MPP4: variants seen among roughly 807,000 people sequenced by gnomAD.
The protein encoded by MPP4 is MAGUK p55 scaffold protein 4.
In MPP4, 91 loss-of-function variants were observed where a neutral mutation model predicts 98.3. The observed-to-expected ratio is 0.93, with a 90% CI of 0.78 to 1.10. MPP4 has a LOEUF of 1.10. Ranked by LOEUF, MPP4 falls within the 50% of genes least tolerant of loss-of-function variation. The probability of loss-of-function intolerance (pLI) is 0.00; values close to 1 mark genes in which losing one functional copy is unlikely to be tolerated. For missense variants in MPP4, 744 were observed against 792.9 expected, an observed-to-expected ratio of 0.94 and a Z score of 0.74; for synonymous variants, 261 against 271.8, an observed-to-expected ratio of 0.96 and a Z score of 0.39.
At chr2:201,669,088 T>TTGTGTGTGTG (rs770178008) in intron 12 of MPP4, among the ~76,000 whole-genome samples, 12 of 141,674 alleles carry the variant, frequency 8.5e-5, no homozygotes, top group African/African-American at 3.2e-4. Context: ...GCATCTTGCT[T>TTGTGTGTGTG]TGTGTGTGTG....
rs565393900 is a variant in MPP4 at position 201,663,417 on chromosome 2, C to G, written c.1072+664G>C. 2.0e-5 allele frequency among the ~76,000 whole-genome samples: 3 copies of G among 152,328 alleles called. No homozygotes were observed. The South Asian group carries it at 6.2e-4, about 32-fold the overall frequency. On this transcript the variant is annotated intron_variant, in intron 14 of 21. Transcript: ENST00000409474. ...GTAAAATCTACATCTCACAACTGCA[C>G]TGTTGCTGTATTTTTTAAAATACAT...
intron 18 of MPP4, chr2:201,650,770 A>C: frequency 1.0e-6 from 1 of 985,412 alleles, no homozygotes; most frequent in Non-Finnish European, 1.2e-6. Context: ...AATCTTGACC[A>C]GATGCATTAA....
At chr2:201,646,814 A>G (rs1296575822) in intron 21 of MPP4, 1 of 152,230 alleles carries the variant, frequency 6.6e-6, no homozygotes, top group Non-Finnish European at 1.5e-5. Context: ...TGAATCATTC[A>G]TATTTTTAGT....
rs755378193 is a variant in MPP4, at chr2:201,675,109, G to T, written c.994+98C>A. The T allele has an allele frequency of 5.6e-6, 7 of 1,260,198 alleles. No homozygotes were observed. In the African/African-American group the frequency reaches 8.9e-5, roughly 16 times the overall value. 78.1% of individuals were successfully genotyped at this position (1,260,198 alleles called of 1,614,324 possible). ...AAATAACAACTCCATCTCCCATGTG[G>T]CATGGCCAGCCTCACATCAATTAGA... is the stretch of plus-strand genomic sequence containing the variant. On this transcript the variant is annotated intron_variant, in intron 11 of 21. Transcript: ENST00000409474.
Position 201,645,045 on chromosome 2 carries a change from A to G in MPP4, c.*165T>C. The G allele has an allele frequency of 3.7e-6, 2 of 535,006 alleles. No homozygotes were observed. The highest frequency in any genetic ancestry group is 6.0e-6 in the Non-Finnish European group (2 of 336,096). 33.1% of individuals were successfully genotyped at this position (535,006 alleles called of 1,614,324 possible). A position where few individuals can be genotyped will look rare whatever the true frequency, so the allele number is the denominator to read the frequency against. ...AAATTAAGTTAAAATAGGTAACCAC[A>G]TAACCATACAATAAAAATTTTTTTC... On this transcript the variant is annotated 3_prime_UTR_variant, in exon 22 of 22. Coordinates refer to ENST00000409474, the MANE Select transcript of MPP4 (RefSeq NM_033066.3).
At chr2:201,687,186 A>G in intron 5 of MPP4, 105 bp downstream of exon 5, 1 of 942,156 alleles carries the variant, frequency 1.1e-6, no homozygotes, top group Non-Finnish European at 1.7e-6. Context: ...GTACAGTAAT[A>G]GAACATCTAT....
At chr2:201,682,195 G>C (rs923725567) in intron 8 of MPP4, among the ~76,000 whole-genome samples, 1 of 152,184 alleles carries the variant, frequency 6.6e-6, no homozygotes, top group Non-Finnish European at 1.5e-5. Flanking sequence ...GCACCAGGGG[G>C]TAGAAGCCAT....
At chr2:201,678,365 C>CA (rs1688574303) in intron 10 of MPP4, among the ~76,000 whole-genome samples, 1 of 152,174 alleles carries the variant, frequency 6.6e-6, no homozygotes, top group African/African-American at 2.4e-5. Context: ...TCCACCCACC[C>CA]ACGCCCTCTG....
At chr2:201,650,260 A>T in intron 18 of MPP4, 95 bp from the exon 19 acceptor site, 1 of 1,464,132 alleles carries the variant, frequency 6.8e-7, no homozygotes, top group Non-Finnish European at 9.0e-7. Flanking sequence ...AAATAAATAA[A>T]TGAATATATA....
chr2:201,698,536 G>A, intron 1 of MPP4, 51 bp downstream of exon 1: 1 of 1,287,360 alleles, frequency 7.8e-7, no homozygotes, highest in Non-Finnish European at 1.0e-6. Context: ...AAGCTAGGCA[G>A]TTATGGATAC....
intron 12 of MPP4, 104 bp from the exon 13 acceptor site, chr2:201,666,476 T>TG: frequency 3.5e-6 from 3 of 848,902 alleles, no homozygotes; most frequent in Non-Finnish European, 5.3e-6. Flanking sequence ...ATCCCAGCAC[T>TG]CTGGGAGGCC....
chr2:201,698,181 A>G, intron 1 of MPP4: 1 of 675,740 alleles, frequency 1.5e-6, no homozygotes, highest in Non-Finnish European at 1.8e-6. Context: ...ACGTACTATT[A>G]AATGCCACAA....
At chr2:201,697,390 T>G (rs758183244) in intron 1 of MPP4, among the ~76,000 whole-genome samples, 4 of 152,332 alleles carry the variant, frequency 2.6e-5, no homozygotes, top group Non-Finnish European at 5.9e-5. Context: ...GCACTTCTCA[T>G]TTTCCCAGTT....
chr2:201,681,101 C>T, intron 9 of MPP4, 67 bp from the exon 10 acceptor site: 1 of 1,477,594 alleles, frequency 6.8e-7, no homozygotes, highest in Non-Finnish European at 9.2e-7. Context: ...AACCCTTGCC[C>T]ATGGGCCATC....
intron 5 of MPP4, 81 bp from the exon 6 acceptor site, chr2:201,686,131 A>C: frequency 6.7e-7 from 1 of 1,483,808 alleles, no homozygotes; most frequent in South Asian, 1.3e-5. Context: ...AATACTATCT[A>C]AGACACAGCA....
In MPP4 at chr2:201,697,920, CAA is replaced by C. The variant is rs1033969653; in HGVS notation, c.-101+665_-101+666del. 1.0e-5 allele frequency: 10 copies of C among 985,300 alleles called. No individual in the cohort carries two copies. The African/African-American group carries it at 1.6e-4, about 15-fold the overall frequency. 61.0% of individuals were successfully genotyped at this position (985,300 alleles called of 1,614,324 possible). On this transcript the variant is annotated intron_variant, in intron 1 of 21. Transcript: ENST00000409474. The stretch of plus-strand genomic sequence containing the variant: ...TGCTGATGCCTGGCATGATGCCTGG[CAA>C]AAGACTTACCTTCCTTTCCATGACT...
In MPP4 at chr2:201,687,442, C is replaced by T. The variant is rs957254447; in HGVS notation, c.280-71G>A. 2.6e-6 allele frequency: 3 copies of T among 1,172,574 alleles called. No individual in the cohort carries two copies. The African/African-American group carries it at 4.6e-5, about 18-fold the overall frequency. 72.6% of individuals were successfully genotyped at this position (1,172,574 alleles called of 1,614,324 possible). A position where few individuals can be genotyped will look rare whatever the true frequency, so the allele number is the denominator to read the frequency against. On this transcript the variant is annotated intron_variant, in intron 4 of 21. Transcript: ENST00000409474. Reference sequence around the variant, plus strand: ...TATCACCTACTTAACCTCACCCAGGCTGGATAACATACATACTAACATGAT... The same window carrying T: ...TATCACCTACTTAACCTCACCCAGGTTGGATAACATACATACTAACATGAT...
intron 10 of MPP4, among the ~76,000 whole-genome samples, chr2:201,678,868 G>A (rs1688592042): frequency 6.6e-6 from 1 of 152,030 alleles, no homozygotes. Context: ...TCTCAACACT[G>A]TTCTGTCACA....
intron 10 of MPP4, among the ~76,000 whole-genome samples, chr2:201,677,642 A>C (rs948248133): frequency 6.6e-6 from 1 of 152,226 alleles, no homozygotes; most frequent in Non-Finnish European, 1.5e-5. Flanking sequence ...GCTGCTCTTC[A>C]TACCACTTAC....
Sources: gnomAD v4.1 joint callset for allele counts (sites outside exome capture counted in the v4.1 genomes callset) on GRCh38, gnomAD v4.1.1 for gene constraint, MANE v1.5 for transcripts, NCBI Gene and HGNC (gene_info 2026-07-23, HGNC 2026-07-21) for gene names.